HACL1: variants seen among roughly 807,000 people sequenced by gnomAD.
HACL1 encodes the protein 2-hydroxyacyl-CoA lyase 1, also known as 1600020H07Rik.
HACL1 carries 64 observed loss-of-function variants against 74.2 expected under a neutral mutation model. That is an observed-to-expected ratio of 0.86 (90% CI 0.70 to 1.06). The LOEUF is 1.06. Ranked by LOEUF, HACL1 falls within the 50% of genes least tolerant of loss-of-function variation. The pLI is 0.00. For synonymous variants in HACL1, 230 were observed against 238.8 expected (o/e 0.96, Z 0.34); for missense variants, 728 against 719.7 (o/e 1.01, Z -0.13).
intron 10 of HACL1, among the ~76,000 whole-genome samples, chr3:15,573,922 C>T (rs566966930): frequency 6.6e-6 from 1 of 152,308 alleles, no homozygotes; most frequent in South Asian, 2.1e-4. Context: ...AGAGGGCAAT[C>T]AAGAGGTATT....
chr3:15,573,265 G>C (rs772708387), intron 10 of HACL1, 23 bp from the exon 11 acceptor site: 1 of 1,402,920 alleles, frequency 7.1e-7, no homozygotes, highest in South Asian at 1.2e-5. Flanking sequence ...CAAGGCTAAA[G>C]AACAACCCAT....
Position 15,568,185 on chromosome 3 carries a change from C to G in HACL1, c.1251-183G>C, listed in dbSNP as rs550157652. 1.1e-3 allele frequency among the ~76,000 whole-genome samples: 161 copies of G among 152,262 alleles called. 1 individual carries two copies. Among genetic ancestry groups the G allele is most frequent in the African/African-American group, 3.7e-3 (154 of 41,534 alleles). ...CTAATTTGTCAAGGATAGAAAAAAG[C>G]CACCCATGTTTGCTTGGAAGACTAT... On this transcript the variant is annotated intron_variant, in intron 13 of 16. Coordinates refer to ENST00000321169, the MANE Select transcript of HACL1 (RefSeq NM_012260.4).
intron 9 of HACL1, among the ~76,000 whole-genome samples, 175 bp from the exon 10 acceptor site, chr3:15,575,257 TATAA>T (rs1051799063): frequency 1.3e-5 from 2 of 152,160 alleles, no homozygotes; most frequent in Non-Finnish European, 2.9e-5. Flanking sequence ...AACCATTCTA[TATAA>T]ATAGTTATCT....
chr3:15,587,956 C>G (rs983053691), intron 5 of HACL1, among the ~76,000 whole-genome samples: 2 of 151,942 alleles, frequency 1.3e-5, no homozygotes, highest in Admixed American at 6.5e-5. Flanking sequence ...TACAGTGGTA[C>G]GATCTCGGCT....
chr3:15,578,416 G>A (rs987794545), intron 9 of HACL1, among the ~76,000 whole-genome samples: 2 of 152,168 alleles, frequency 1.3e-5, no homozygotes, highest in Admixed American at 6.5e-5. Context: ...TCCAATGCCA[G>A]CCAAGATTGG....
intron 3 of HACL1, among the ~76,000 whole-genome samples, chr3:15,592,326 A>C (rs2063937364): frequency 6.6e-6 from 1 of 150,482 alleles, no homozygotes; most frequent in African/African-American, 2.4e-5. Flanking sequence ...ATATATGTAT[A>C]TATACTCTGG....
chr3:15,591,549 C>T, intron 4 of HACL1, 51 bp downstream of exon 4: 1 of 1,076,566 alleles, frequency 9.3e-7, no homozygotes, highest in Non-Finnish European at 1.4e-6. Flanking sequence ...TCAGTAAAAT[C>T]CTGCAGTGAC....
chr3:15,580,797 T>C (rs1473162009), intron 8 of HACL1, among the ~76,000 whole-genome samples: 1 of 152,208 alleles, frequency 6.6e-6, no homozygotes, highest in African/African-American at 2.4e-5. Flanking sequence ...AGTCCAGGCA[T>C]GGAAATTCTA....
In HACL1 at chr3:15,580,018, C is replaced by T. The variant is rs143864737; in HGVS notation, c.695G>A (p.Ser232Asn). Residue 232 changes from serine to asparagine, a missense_variant, in exon 9 of 17, where the codon AGT (serine) becomes AAT (asparagine). Coordinates refer to ENST00000321169, the MANE Select transcript of HACL1 (RefSeq NM_012260.4). ...ATATTGCTCCACCAATTTCTTGATA[C>T]TCTCTTCTGCATGAGCGTAAGCAGC... ...KGAAYAHAEE[S>N]IKKLVEQYKL... The T allele has an allele frequency of 1.7e-5, 27 of 1,611,986 alleles. No individual in the cohort carries two copies. The African/African-American group carries it at 3.3e-4, about 20-fold the overall frequency.
chr3:15,589,726 AT>A (rs1363605300), intron 4 of HACL1, 114 bp from the exon 5 acceptor site: 1 of 744,304 alleles, frequency 1.3e-6, no homozygotes, highest in Non-Finnish European at 2.2e-6. Flanking sequence ...AGAATATTAT[AT>A]TTTTTTCTTA....
intron 12 of HACL1, among the ~76,000 whole-genome samples, chr3:15,570,609 T>G (rs965784780): frequency 2.0e-5 from 3 of 148,328 alleles, no homozygotes; most frequent in Non-Finnish European, 4.5e-5. Flanking sequence ...CTTTCTCACA[T>G]AGGGAAAGCA....
At chr3:15,593,163 GTA>G (rs1203025664) in intron 3 of HACL1, among the ~76,000 whole-genome samples, 2 of 147,108 alleles carry the variant, frequency 1.4e-5, no homozygotes, top group African/African-American at 2.5e-5. Flanking sequence ...ACACACATAC[GTA>G]TATATGTGTG....
At chr3:15,565,691 T>A (rs2063422500) in intron 14 of HACL1, among the ~76,000 whole-genome samples, 1 of 152,230 alleles carries the variant, frequency 6.6e-6, no homozygotes, top group African/African-American at 2.4e-5. Context: ...AAAGGAGTCA[T>A]TATCCACTAA....
chr3:15,561,391 A>T (rs1276745973), intron 16 of HACL1, among the ~76,000 whole-genome samples: 1 of 152,268 alleles, frequency 6.6e-6, no homozygotes, highest in Non-Finnish European at 1.5e-5. Context: ...ACGGACAGAA[A>T]GACAAAAATC....
intron 3 of HACL1, among the ~76,000 whole-genome samples, chr3:15,592,081 T>TATAC (rs1170146217): frequency 1.5e-5 from 2 of 136,428 alleles, no homozygotes; most frequent in African/African-American, 6.0e-5. Flanking sequence ...TACGTATACG[T>TATAC]ATATATACAC....
intron 1 of HACL1, 35 bp from the exon 2 acceptor site, chr3:15,601,229 G>A: frequency 1.3e-6 from 2 of 1,561,754 alleles, no homozygotes; most frequent in East Asian, 2.2e-5. Flanking sequence ...AAACTCCCAA[G>A]GCCCCACCAT....
At position 15,585,294 on chromosome 3, in the gene HACL1, T is replaced by A; in HGVS notation, c.508A>T (p.Ile170Leu). 5.0e-6 allele frequency: 8 copies of A among 1,606,100 alleles called. No homozygotes were observed. Among genetic ancestry groups the A allele is most frequent in the Non-Finnish European group, 6.8e-6 (8 of 1,172,706 alleles). The stretch of plus-strand genomic sequence containing the variant: ...TGAAGGTTCACAAAATCTGCTGGTA[T>A]GTCAACATAGCAAGCACCTGGACGA... ...YGRPGACYVDIPADFVNLQVN... is the reference protein window; with the variant it reads ...YGRPGACYVDLPADFVNLQVN... Residue 170 changes from isoleucine to leucine, a missense_variant, in exon 7 of 17, where the codon ATA (isoleucine) becomes TTA (leucine). By Grantham distance (5) the Ile-to-Leu change is conservative. Transcript: ENST00000321169.
At chr3:15,591,524 C>G (rs2063893790) in intron 4 of HACL1, 76 bp downstream of exon 4, 5 of 767,964 alleles carry the variant, frequency 6.5e-6, no homozygotes, top group Non-Finnish European at 8.7e-6. Context: ...TACCCTAGAT[C>G]AGCATTAGCT....
chr3:15,568,654 A>T (rs1052466020), intron 12 of HACL1, 68 bp from the exon 13 acceptor site: 5 of 887,464 alleles, frequency 5.6e-6, no homozygotes, highest in Non-Finnish European at 8.8e-6. Flanking sequence ...TGTTAATAAG[A>T]TGCTATCAAA....
Sources: gnomAD v4.1 joint callset for allele counts (sites outside exome capture counted in the v4.1 genomes callset) on GRCh38, gnomAD v4.1.1 for gene constraint, MANE v1.5 for transcripts, NCBI Gene and HGNC (gene_info 2026-07-23, HGNC 2026-07-21) for gene names.